The following SLC7A8 variants were observed in gnomAD, a reference collection of about 807,000 sequenced individuals.
SLC7A8 encodes solute carrier family 7 member 8, also known as large neutral amino acids transporter small subunit 2.
In SLC7A8, 30 loss-of-function variants were observed where a neutral mutation model predicts 51.2. The observed-to-expected ratio is 0.59, with a 90% CI of 0.44 to 0.80. SLC7A8 has a LOEUF of 0.80. Among genes scored for constraint, SLC7A8 ranks in the 30% least tolerant of loss-of-function variants. SLC7A8 has a pLI of 0.00. For missense variants in SLC7A8, 612 were observed against 674.4 expected (o/e 0.91, Z 1.03); for synonymous variants, 257 against 275.8 (o/e 0.93, Z 0.67).
At chr14:23,166,166 G>T (rs1421622714) in intron 2 of SLC7A8, among the ~76,000 whole-genome samples, 170 bp downstream of exon 2, 1 of 152,132 alleles carries the variant, frequency 6.6e-6, no homozygotes, top group African/African-American at 2.4e-5. Flanking sequence ...GGGATACAAG[G>T]CTACACTAGC....
intron 7 of SLC7A8, among the ~76,000 whole-genome samples, chr14:23,133,440 C>CAAAA (rs10577714): frequency 2.1e-5 from 2 of 93,216 alleles, no homozygotes; most frequent in African/African-American, 8.3e-5. Context: ...GAACCTGTCT[C>CAAAA]AAAAAAAAAA....
Position 23,166,207 on chromosome 14 carries a change from C to T in SLC7A8, c.356+129G>A, listed in dbSNP as rs2048949174. On this transcript the variant is annotated intron_variant, in intron 2 of 10. Coordinates refer to ENST00000316902, the MANE Select transcript of SLC7A8 (RefSeq NM_012244.4). ...TGGCAGGAAAGCAGAAGAGACATTC[C>T]ATTCACTAGCACCCCGTGGCACACT... The T allele has an allele frequency of 3.0e-5, 27 of 907,822 alleles. 2 individuals carry two copies. In the South Asian group the frequency reaches 4.2e-4, roughly 14 times the overall value. The allele number at this position is 907,822 out of a possible 1,614,324, so 56.2% of individuals were successfully genotyped here. A position where few individuals can be genotyped will look rare whatever the true frequency, so the allele number is the denominator to read the frequency against.
chr14:23,180,365 G>A (rs1373289475), intron 1 of SLC7A8, among the ~76,000 whole-genome samples: 1 of 152,184 alleles, frequency 6.6e-6, no homozygotes, highest in East Asian at 1.9e-4. Context: ...AGAGGAAAGG[G>A]CAGTTCCTCA....
intron 3 of SLC7A8, among the ~76,000 whole-genome samples, chr14:23,163,003 C>T (rs1220265382): frequency 6.6e-6 from 1 of 152,202 alleles, no homozygotes; most frequent in Non-Finnish European, 1.5e-5. Flanking sequence ...GTAGCTAGCA[C>T]TTCTGTGGCC....
chr14:23,175,277 T>C (rs941272326), intron 1 of SLC7A8, among the ~76,000 whole-genome samples: 2 of 152,162 alleles, frequency 1.3e-5, no homozygotes, highest in African/African-American at 4.8e-5. Flanking sequence ...TAGTGCAACT[T>C]GGCTCACTGC....
chr14:23,147,661 T>G (rs2048809971), intron 3 of SLC7A8, among the ~76,000 whole-genome samples: 1 of 152,158 alleles, frequency 6.6e-6, no homozygotes, highest in Non-Finnish European at 1.5e-5. Flanking sequence ...GGGCATTTCC[T>G]CCCCTCTTTC....
chr14:23,157,910 T>G (rs914269348), intron 3 of SLC7A8, among the ~76,000 whole-genome samples: 1 of 152,210 alleles, frequency 6.6e-6, no homozygotes, highest in Non-Finnish European at 1.5e-5. Flanking sequence ...CACTGGACTG[T>G]GGGTTCCTTG....
intron 7 of SLC7A8, among the ~76,000 whole-genome samples, chr14:23,135,673 G>A (rs2048683716): frequency 6.6e-6 from 1 of 151,346 alleles, no homozygotes; most frequent in Non-Finnish European, 1.5e-5. Flanking sequence ...CTGCACTCCA[G>A]CCTGGGCGAC....
In SLC7A8 at chr14:23,128,394, C is replaced by G. The variant is rs572632681; in HGVS notation, c.1264-198G>C. 12 of 1,520,278 alleles carry G rather than the reference C, an allele frequency of 7.9e-6. No individual in the cohort carries two copies. In the East Asian group the frequency reaches 3.0e-4, roughly 38 times the overall value. 94.2% of individuals were successfully genotyped at this position (1,520,278 alleles called of 1,614,324 possible). On this transcript the variant is annotated intron_variant, in intron 9 of 10. Coordinates refer to ENST00000316902, the MANE Select transcript of SLC7A8 (RefSeq NM_012244.4). The surrounding 1 kb of genome is among the most constrained non-coding windows in gnomAD (Gnocchi z 4.3). The stretch of plus-strand genomic sequence containing the variant: ...ATAAACAAATGTTGATGAACATGGT[C>G]GGTCAGACAGGAAGAGGATGGGGAG...
Position 23,182,840 on chromosome 14 carries a change from G to A in SLC7A8, c.75C>T (p.Pro25=). 2 of 1,613,878 alleles carry A rather than the reference G, an allele frequency of 1.2e-6. No homozygotes were observed. The highest frequency in any genetic ancestry group is 8.5e-7 in the Non-Finnish European group (1 of 1,179,920). The change falls in exon 1 of 11, where the codon CCC becomes CCT. Residue 25 remains proline (P), a synonymous_variant. Coordinates refer to ENST00000316902, the MANE Select transcript of SLC7A8 (RefSeq NM_012244.4). ...HPGGGESDAS[P]EAGSGGGGVA... is the part of the protein sequence containing the mutation. The stretch of plus-strand genomic sequence containing the variant: ...CTCCGCCCCCTCCGGAACCAGCCTC[G>A]GGGCTGGCGTCCGACTCGCCCCCAC...
chr14:23,173,694 C>T (rs2048985988), intron 1 of SLC7A8, among the ~76,000 whole-genome samples: 1 of 152,206 alleles, frequency 6.6e-6, no homozygotes, highest in South Asian at 2.1e-4. Context: ...GTCACCCAGG[C>T]TGGAGTGCAC....
chr14:23,131,391 G>A, intron 8 of SLC7A8, 70 bp downstream of exon 8: 1 of 1,313,502 alleles, frequency 7.6e-7, no homozygotes, highest in South Asian at 1.5e-5. Flanking sequence ...TGAAAAGCAT[G>A]AACTCCCAGC....
rs974692984 is a variant in SLC7A8 at position 23,178,288 on chromosome 14, A to C, written c.151+4476T>G. Reference sequence around the variant, plus strand: ...GCACCCTCTTTCGACTTTGGGGGGAACTCCACGTTCATGGTGAAATCTAAA... The same window carrying C: ...GCACCCTCTTTCGACTTTGGGGGGACCTCCACGTTCATGGTGAAATCTAAA... On this transcript the variant is annotated intron_variant, in intron 1 of 10. Transcript: ENST00000316902. Among the ~76,000 whole-genome samples the C allele has an allele frequency of 2.0e-5, 3 of 152,176 alleles. No homozygotes were observed. In the East Asian group the frequency reaches 5.8e-4, roughly 29 times the overall value.
chr14:23,159,266 C>G (rs1413408360), intron 3 of SLC7A8, among the ~76,000 whole-genome samples: 2 of 152,076 alleles, frequency 1.3e-5, no homozygotes, highest in East Asian at 3.9e-4. Flanking sequence ...GAATAATTTT[C>G]ATCTTAATGC....
chr14:23,178,697 T>C (rs1312926706), intron 1 of SLC7A8, among the ~76,000 whole-genome samples: 3 of 151,764 alleles, frequency 2.0e-5, no homozygotes, highest in South Asian at 2.1e-4. Flanking sequence ...GGAGGATTGC[T>C]TGAGCCCAGG....
intron 8 of SLC7A8, among the ~76,000 whole-genome samples, chr14:23,130,559 T>A (rs978410408): frequency 1.3e-5 from 2 of 152,208 alleles, no homozygotes; most frequent in African/African-American, 4.8e-5. Flanking sequence ...TTAGTCACAC[T>A]ACTGCACCAA....
chr14:23,145,161 C>A (rs2048781083), intron 3 of SLC7A8, among the ~76,000 whole-genome samples: 1 of 150,968 alleles, frequency 6.6e-6, no homozygotes, highest in Non-Finnish European at 1.5e-5. Context: ...ATCTCATGAT[C>A]CTCAGCCTCC....
intron 3 of SLC7A8, chr14:23,154,200 A>T: frequency 1.0e-6 from 1 of 984,284 alleles, no homozygotes; most frequent in Non-Finnish European, 1.2e-6. Flanking sequence ...AGCCCTCTGA[A>T]ACGCCATAAA....
intron 3 of SLC7A8, among the ~76,000 whole-genome samples, chr14:23,161,421 A>G (rs953915427): frequency 1.3e-5 from 2 of 151,974 alleles, no homozygotes; most frequent in Non-Finnish European, 2.9e-5. Context: ...CTTCACAGTC[A>G]TCAGCATGTC....
Sources: allele counts gnomAD v4.1 joint callset (sites outside exome capture counted in the v4.1 genomes callset), GRCh38; gene constraint gnomAD v4.1.1; non-coding constraint Gnocchi (gnomAD v3.1); transcripts MANE v1.5; gene names NCBI Gene and HGNC (gene_info 2026-07-23, HGNC 2026-07-21).